Variants in MDGA2 observed in about 807,000 individuals in gnomAD.
The protein encoded by MDGA2 is MAM domain containing glycosylphosphatidylinositol anchor 2, also known as MAM domain-containing glycosylphosphatidylinositol anchor protein 2.
Under a neutral mutation model 117.8 loss-of-function variants are expected in MDGA2, and 40 were observed. That is an observed-to-expected ratio of 0.34 (90% CI 0.26 to 0.44). The LOEUF (loss-of-function observed/expected upper bound fraction) is 0.44. MDGA2 is among the 20% of genes least tolerant of loss of function. MDGA2 has a pLI of 1.00. For synonymous variants in MDGA2, 452 were observed against 439.0 expected, an observed-to-expected ratio of 1.03 and a Z score of -0.37; for missense variants, 1,123 against 1,250.6, an observed-to-expected ratio of 0.90 and a Z score of 1.54.
chr14:46,931,214 CAAAA>C (rs34493526), intron 9 of MDGA2, among the ~76,000 whole-genome samples: 11 of 76,286 alleles, frequency 1.4e-4, no homozygotes, highest in African/African-American at 4.8e-4. Context: ...GACTACATCT[CAAAA>C]AAAAAAAAAA....
At chr14:47,488,427 C>T (rs1253648129) in intron 1 of MDGA2, among the ~76,000 whole-genome samples, 2 of 152,114 alleles carry the variant, frequency 1.3e-5, no homozygotes, top group Non-Finnish European at 2.9e-5. Context: ...ATTTCTACTA[C>T]TTTGTGTGCT....
intron 10 of MDGA2, among the ~76,000 whole-genome samples, chr14:46,917,807 G>A (rs1226316650): frequency 1.3e-5 from 2 of 152,132 alleles, no homozygotes; most frequent in Non-Finnish European, 1.5e-5. Flanking sequence ...AGAAGACTTT[G>A]TCACTGGAAA....
intron 1 of MDGA2, among the ~76,000 whole-genome samples, chr14:47,543,253 T>A (rs1895389076): frequency 6.6e-6 from 1 of 152,140 alleles, no homozygotes; most frequent in Admixed American, 6.6e-5. Context: ...GTATTTTATC[T>A]TTTAGGTTAT....
chr14:47,256,746 T>C (rs757897173), intron 2 of MDGA2, among the ~76,000 whole-genome samples: 6 of 150,790 alleles, frequency 4.0e-5, no homozygotes, highest in Non-Finnish European at 8.8e-5. Flanking sequence ...TTTTATTAAA[T>C]GTAACAAATC....
intron 10 of MDGA2, among the ~76,000 whole-genome samples, chr14:46,916,369 C>G (rs572325034): frequency 6.6e-6 from 1 of 152,070 alleles, no homozygotes; most frequent in African/African-American, 2.4e-5. Flanking sequence ...GATCTTGATC[C>G]TCAGTCTCCC....
At chr14:47,168,288 A>G (rs1883971884) in intron 3 of MDGA2, among the ~76,000 whole-genome samples, 2 of 151,124 alleles carry the variant, frequency 1.3e-5, no homozygotes, top group Admixed American at 1.3e-4. Flanking sequence ...CCATCTCAAA[A>G]AAAAAAAAAA....
chr14:47,022,921 T>C (rs1888337227), intron 8 of MDGA2, among the ~76,000 whole-genome samples: 1 of 152,130 alleles, frequency 6.6e-6, no homozygotes, highest in Non-Finnish European at 1.5e-5. Context: ...AATTTCCAAA[T>C]AGAACAATGC....
At chr14:47,200,529 C>CTTTTTTTTTTTTTTTTT in intron 3 of MDGA2, 1 of 586,028 alleles carries the variant, frequency 1.7e-6, no homozygotes, top group South Asian at 3.5e-5. Flanking sequence ...TTTTCTTTTT[C>CTTTTTTTTTTTTTTTTT]TTTTCTTTTT....
intron 1 of MDGA2, among the ~76,000 whole-genome samples, chr14:47,326,497 G>A (rs1890147073): frequency 6.6e-6 from 1 of 151,968 alleles, no homozygotes; most frequent in South Asian, 2.1e-4. Context: ...TTCCTCTCTA[G>A]TACAACTTTC....
intron 5 of MDGA2, among the ~76,000 whole-genome samples, chr14:47,121,370 A>G (rs1019566089): frequency 5.3e-5 from 8 of 152,092 alleles, no homozygotes; most frequent in African/African-American, 1.9e-4. Context: ...TACTCACTCT[A>G]ACATGCATAA....
At chr14:47,295,448 T>C (rs1889032252) in intron 2 of MDGA2, among the ~76,000 whole-genome samples, 1 of 152,208 alleles carries the variant, frequency 6.6e-6, no homozygotes, top group African/African-American at 2.4e-5. Flanking sequence ...TATGACCTCA[T>C]TGCAAGAATA....
intron 1 of MDGA2, among the ~76,000 whole-genome samples, chr14:47,653,630 C>T (rs531602837): frequency 5.3e-5 from 8 of 152,188 alleles, no homozygotes; most frequent in South Asian, 4.1e-4. Flanking sequence ...TGCATGACAA[C>T]GTGGAATTAA....
chr14:47,498,539 T>C (rs1185211672), intron 1 of MDGA2, among the ~76,000 whole-genome samples: 1 of 152,138 alleles, frequency 6.6e-6, no homozygotes, highest in Non-Finnish European at 1.5e-5. Flanking sequence ...TTTCCCATCA[T>C]TATAGGTACA....
intron 9 of MDGA2, among the ~76,000 whole-genome samples, chr14:46,929,406 T>C (rs2138539413): frequency 6.6e-6 from 1 of 151,132 alleles, no homozygotes; most frequent in African/African-American, 2.4e-5. Flanking sequence ...AAGTTACATC[T>C]GATAGATTTG....
At chr14:46,962,585 T>C (rs1438845224) in intron 8 of MDGA2, among the ~76,000 whole-genome samples, 1 of 152,190 alleles carries the variant, frequency 6.6e-6, no homozygotes, top group African/African-American at 2.4e-5. Flanking sequence ...CAAAGTATTT[T>C]TCAAATAAAC....
At chr14:47,355,050 G>T (rs1012205636) in intron 1 of MDGA2, among the ~76,000 whole-genome samples, 1 of 152,088 alleles carries the variant, frequency 6.6e-6, no homozygotes, top group African/African-American at 2.4e-5. Flanking sequence ...TTAAAAGAAG[G>T]GGCAGCTACT....
intron 1 of MDGA2, among the ~76,000 whole-genome samples, chr14:47,602,915 G>A (rs534816805): frequency 1.3e-5 from 2 of 152,276 alleles, no homozygotes; most frequent in Non-Finnish European, 2.9e-5. Context: ...GAGTCCAAGT[G>A]AAGTACTTGG....
chr14:47,665,430 A>G (rs1047760806), intron 1 of MDGA2, among the ~76,000 whole-genome samples: 2 of 152,120 alleles, frequency 1.3e-5, no homozygotes, highest in African/African-American at 2.4e-5. Flanking sequence ...CATTCTGGCC[A>G]CGCTTGAGGA....
chr14:47,647,257 A>G (rs759703968), intron 1 of MDGA2, among the ~76,000 whole-genome samples: 1 of 152,098 alleles, frequency 6.6e-6, no homozygotes, highest in Non-Finnish European at 1.5e-5. Context: ...ATCAACTTCA[A>G]AAGTTTTCTA....
Sources: gnomAD v4.1 joint callset for allele counts (sites outside exome capture counted in the v4.1 genomes callset) on GRCh38, gnomAD v4.1.1 for gene constraint, MANE v1.5 for transcripts, NCBI Gene and HGNC (gene_info 2026-07-23, HGNC 2026-07-21) for gene names.